The following SLC37A1 variants were observed in gnomAD, a reference collection of about 807,000 sequenced individuals.
SLC37A1 encodes solute carrier family 37 member 1, also known as glucose-6-phosphate exchanger SLC37A1.
Under a neutral mutation model 75.3 loss-of-function variants are expected in SLC37A1, and 49 were observed. The ratio of observed to expected loss-of-function variants is 0.65; its 90% CI spans 0.52 to 0.83. The LOEUF is 0.83. Among genes scored for constraint, SLC37A1 ranks in the 40% least tolerant of loss-of-function variants. The pLI is 0.00. For missense variants in SLC37A1, 566 were observed against 695.0 expected (o/e 0.81, Z 2.09); for synonymous variants, 268 against 292.1 (o/e 0.92, Z 0.84).
At chr21:42,546,385 C>T (rs574373004) in intron 8 of SLC37A1, among the ~76,000 whole-genome samples, 1 of 152,146 alleles carries the variant, frequency 6.6e-6, no homozygotes, top group Non-Finnish European at 1.5e-5. Context: ...ATTTTTATTT[C>T]TAATGAATTT....
intron 2 of SLC37A1, among the ~76,000 whole-genome samples, chr21:42,519,951 C>T (rs994250282): frequency 2.0e-5 from 3 of 146,990 alleles, no homozygotes; most frequent in Non-Finnish European, 4.4e-5. Flanking sequence ...CTCCCTGCCC[C>T]TCCACAGTGT....
chr21:42,566,970 CT>C lies in SLC37A1; in HGVS notation c.1271-14del, dbSNP rs367838361. 1.5e-4 allele frequency: 233 copies of C among 1,603,444 alleles called. No homozygotes were observed. In the African/African-American group the frequency reaches 2.4e-3, roughly 17 times the overall value. On this transcript the variant is annotated splice_polypyrimidine_tract_variant and intron_variant, in intron 15 of 19. Coordinates refer to ENST00000352133, the MANE Select transcript of SLC37A1 (RefSeq NM_001320537.2). ...GAGGGCACATTTCCATTCTTTGCCCCTCTGCCTCCCACAGCCATGCTGCTGC... is the reference window on the plus strand; with the variant it reads ...GAGGGCACATTTCCATTCTTTGCCCCCTGCCTCCCACAGCCATGCTGCTGC...
intron 3 of SLC37A1, among the ~76,000 whole-genome samples, chr21:42,534,153 A>G (rs228054): frequency 0.52 from 79,124 of 151,920 alleles, 21,063 homozygotes; most frequent in Admixed American, 0.64. Flanking sequence ...CTCTAGCCGC[A>G]TGGATTCGTT....
chr21:42,504,048 A>C (rs2054363813), intron 2 of SLC37A1, among the ~76,000 whole-genome samples: 1 of 152,218 alleles, frequency 6.6e-6, no homozygotes, highest in African/African-American at 2.4e-5. Flanking sequence ...CAAGCATGGA[A>C]ATGTGAAAAT....
upstream of SLC37A1, among the ~76,000 whole-genome samples, chr21:42,509,995 TC>T (rs2054419557): frequency 6.6e-6 from 1 of 152,214 alleles, no homozygotes; most frequent in South Asian, 2.1e-4. The surrounding 1 kb of genome is among the most constrained non-coding windows in gnomAD (Gnocchi z 4.2). Flanking sequence ...GAATGTCTGC[TC>T]CTTAAGTTGA....
intron 2 of SLC37A1, among the ~76,000 whole-genome samples, chr21:42,507,550 T>C (rs1300216378): frequency 2.6e-5 from 4 of 152,180 alleles, no homozygotes; most frequent in Non-Finnish European, 4.4e-5. Flanking sequence ...CCTTTTGGGT[T>C]GCTATAAAGG....
upstream of SLC37A1, among the ~76,000 whole-genome samples, chr21:42,512,797 G>GC (rs1216758533): frequency 6.6e-6 from 1 of 152,236 alleles, no homozygotes; most frequent in African/African-American, 2.4e-5. Flanking sequence ...ATTTCACGCA[G>GC]CCCAGCTCAG....
chr21:42,540,519 G>A (rs1281542961), intron 6 of SLC37A1, among the ~76,000 whole-genome samples: 1 of 152,226 alleles, frequency 6.6e-6, no homozygotes, highest in Non-Finnish European at 1.5e-5. Context: ...GAGGCAGTCA[G>A]TGGAGAGAAC....
intron 17 of SLC37A1, among the ~76,000 whole-genome samples, chr21:42,570,108 G>GCCAT (rs2056100779): frequency 1.1e-5 from 1 of 91,350 alleles, no homozygotes; most frequent in South Asian, 4.0e-4. Flanking sequence ...CTGAGAAGTG[G>GCCAT]TGGGCAGGGT....
In SLC37A1 at chr21:42,548,479, A is replaced by G. The variant is rs1402462304; in HGVS notation, c.768+1339A>G. Among the ~76,000 whole-genome samples, 1 of 151,490 alleles carries G rather than the reference A, an allele frequency of 6.6e-6. No homozygotes were observed. The highest frequency in any genetic ancestry group is 3.4e-3 in the Middle Eastern group (1 of 294). On this transcript the variant is annotated intron_variant, in intron 9 of 19. Transcript: ENST00000352133. This position sits in a 1 kb window ranked among gnomAD's most constrained non-coding sequence, Gnocchi z 5.6. ...CAACACCCCCTCCCTTCAGCCCCGC[A>G]CCCCATCCTTGGCCATGTTCTGTCA...
Position 42,580,386 on chromosome 21 carries a change from G to T in SLC37A1, c.*26G>T. ...CACCCCACCCCAGTCCCGTGGAGGG[G>T]GTCTGGGCCCACCCTTCACAACTGC... On this transcript the variant is annotated 3_prime_UTR_variant, in exon 20 of 20. Transcript: ENST00000352133. 6.2e-7 allele frequency: 1 copy of T among 1,611,994 alleles called. No homozygotes were observed. Among genetic ancestry groups the T allele is most frequent in the African/African-American group, 1.3e-5 (1 of 75,046 alleles).
intron 7 of SLC37A1, among the ~76,000 whole-genome samples, chr21:42,542,896 T>G (rs1173875996): frequency 6.6e-6 from 1 of 152,272 alleles, no homozygotes; most frequent in Non-Finnish European, 1.5e-5. Context: ...CAGATTTATT[T>G]GTAAATGGCT....
At chr21:42,578,234 C>A (rs2056346796) in intron 18 of SLC37A1, among the ~76,000 whole-genome samples, 1 of 152,208 alleles carries the variant, frequency 6.6e-6, no homozygotes, top group African/African-American at 2.4e-5. Context: ...TGGCGCACGA[C>A]CGAAGGCCTC....
intron 18 of SLC37A1, 108 bp from the exon 19 acceptor site, chr21:42,579,628 G>C (rs1184581043): frequency 2.2e-6 from 2 of 921,720 alleles, no homozygotes; most frequent in Non-Finnish European, 3.0e-6. Flanking sequence ...GCTGTGGGGA[G>C]AGAGCCACCC....
chr21:42,570,055 GGC>G (rs1383290773), intron 17 of SLC37A1, among the ~76,000 whole-genome samples: 22 of 149,530 alleles, frequency 1.5e-4, no homozygotes, highest in Non-Finnish European at 2.7e-4. Context: ...AGAAGCGGCG[GGC>G]AGGGTGGCCG....
chr21:42,576,494 A>G (rs530478330), intron 18 of SLC37A1, among the ~76,000 whole-genome samples: 113 of 152,338 alleles, frequency 7.4e-4, no homozygotes, highest in Non-Finnish European at 1.1e-3. Flanking sequence ...TGAGCTCACA[A>G]TCCAAAATAA....
At chr21:42,559,800 C>T (rs186116022) in intron 11 of SLC37A1, among the ~76,000 whole-genome samples, 8 of 150,592 alleles carry the variant, frequency 5.3e-5, no homozygotes, top group African/African-American at 1.7e-4. Flanking sequence ...CGCTTGAACC[C>T]GGGAGGCAGA....
intron 18 of SLC37A1, chr21:42,575,278 C>T (rs534533498): frequency 2.0e-6 from 2 of 985,320 alleles, no homozygotes; most frequent in East Asian, 1.1e-4. Context: ...CACCCAGTGA[C>T]AAGATTGTTG....
upstream of SLC37A1, among the ~76,000 whole-genome samples, chr21:42,512,963 G>A (rs923092058): frequency 1.3e-5 from 2 of 152,234 alleles, no homozygotes; most frequent in Middle Eastern, 3.2e-3. Context: ...GGGTGCGAGG[G>A]GCACTGGCCT....
Sources: allele counts gnomAD v4.1 joint callset (sites outside exome capture counted in the v4.1 genomes callset), GRCh38; gene constraint gnomAD v4.1.1; non-coding constraint Gnocchi (gnomAD v3.1); transcripts MANE v1.5; gene names NCBI Gene and HGNC (gene_info 2026-07-23, HGNC 2026-07-21).